NRG1: variants seen among roughly 807,000 people sequenced by gnomAD.
The protein encoded by NRG1 is neuregulin 1, also known as pro-neuregulin-1, membrane-bound isoform.
A neutral mutation model predicts 63.8 loss-of-function variants in NRG1; 18 were observed. That is an observed-to-expected ratio of 0.28 (90% CI 0.19 to 0.42). The LOEUF (loss-of-function observed/expected upper bound fraction) is 0.42, where lower values mean the gene tolerates loss of function less well. NRG1 is among the 10% of genes least tolerant of loss of function. NRG1 has a pLI of 1.00. For synonymous variants in NRG1, 302 were observed against 301.3 expected, an observed-to-expected ratio of 1.00 and a Z score of -0.02; for missense variants, 762 against 814.7, an observed-to-expected ratio of 0.94 and a Z score of 0.79.
chr8:32,015,075 A>C (rs1002582668), intron 1 of NRG1, among the ~76,000 whole-genome samples: 2 of 152,262 alleles, frequency 1.3e-5, no homozygotes, highest in Middle Eastern at 3.4e-3. Context: ...CTGCAGGATG[A>C]TAAATTTCTG....
intron 1 of NRG1, among the ~76,000 whole-genome samples, chr8:32,359,096 TATA>T (rs941679406): frequency 1.3e-5 from 2 of 152,150 alleles, no homozygotes; most frequent in African/African-American, 4.8e-5. Flanking sequence ...GGACAATTAC[TATA>T]ATATTTACAA....
chr8:31,844,619 T>C (rs773103645), intron 1 of NRG1, among the ~76,000 whole-genome samples: 1 of 152,184 alleles, frequency 6.6e-6, no homozygotes, highest in Admixed American at 6.5e-5. Context: ...GTCAGCATTT[T>C]TCTGCTGCCC....
intron 1 of NRG1, among the ~76,000 whole-genome samples, chr8:31,710,064 G>C (rs1811587035): frequency 6.6e-6 from 1 of 150,702 alleles, no homozygotes; most frequent in Non-Finnish European, 1.5e-5. Flanking sequence ...GTTTTCCTTT[G>C]AGCAGTGCTT....
rs1230421905 is a variant in NRG1 at position 31,640,405 on chromosome 8, C to T, written c.37+974C>T. On this transcript the variant is annotated intron_variant, in intron 1 of 10. Transcript: ENST00000519301. The surrounding 1 kb of genome is among the most constrained non-coding windows in gnomAD (Gnocchi z 6.3). ...GCTGCTCGCCGCCAACGGGACCGTG[C>T]CCTCTTGGCCCACCGCCCCGGTGCC... 4.1e-6 allele frequency: 6 copies of T among 1,459,196 alleles called. No homozygotes were observed. Among genetic ancestry groups the T allele is most frequent in the Non-Finnish European group, 5.4e-6 (6 of 1,103,830 alleles). 90.4% of individuals were successfully genotyped at this position (1,459,196 alleles called of 1,614,324 possible). A position where few individuals can be genotyped will look rare whatever the true frequency, so the allele number is the denominator to read the frequency against.
chr8:32,673,428 G>A (rs1806223874), intron 5 of NRG1, among the ~76,000 whole-genome samples: 1 of 152,166 alleles, frequency 6.6e-6, no homozygotes, highest in African/African-American at 2.4e-5. Flanking sequence ...AATCATATTT[G>A]TGTAATAAAT....
At chr8:32,494,124 T>G (rs1826920002) in intron 1 of NRG1, among the ~76,000 whole-genome samples, 2 of 152,212 alleles carry the variant, frequency 1.3e-5, no homozygotes. Context: ...TAAACTGTAC[T>G]GCAAGGAATT....
At chr8:32,329,673 A>C (rs1351061254) in intron 1 of NRG1, among the ~76,000 whole-genome samples, 2 of 152,150 alleles carry the variant, frequency 1.3e-5, no homozygotes, top group Admixed American at 6.6e-5. Context: ...TGCTCGTATT[A>C]GCTGCTTCTT....
chr8:32,376,392 CTGTCAATCAA>C (rs1809625006), intron 1 of NRG1, among the ~76,000 whole-genome samples: 1 of 152,106 alleles, frequency 6.6e-6, no homozygotes, highest in African/African-American at 2.4e-5. Context: ...CTGCCTAGGG[CTGTCAATCAA>C]TGTGCCCCAT....
intron 1 of NRG1, among the ~76,000 whole-genome samples, chr8:32,079,969 T>C (rs953208002): frequency 6.6e-6 from 1 of 152,152 alleles, no homozygotes; most frequent in African/African-American, 2.4e-5. Context: ...CAAGTATTTG[T>C]TTTAATAAAG....
intron 1 of NRG1, among the ~76,000 whole-genome samples, chr8:32,115,092 AT>A (rs1462588264): frequency 2.0e-5 from 3 of 151,574 alleles, no homozygotes; most frequent in Non-Finnish European, 4.4e-5. Context: ...GTGCAGTGGC[AT>A]GATCTTCGCT....
intron 5 of NRG1, among the ~76,000 whole-genome samples, chr8:32,676,882 G>A (rs1378256385): frequency 6.6e-6 from 1 of 152,118 alleles, no homozygotes; most frequent in African/African-American, 2.4e-5. Flanking sequence ...GGGTATAAGT[G>A]TGAGATTTAT....
intron 1 of NRG1, among the ~76,000 whole-genome samples, chr8:32,306,765 C>G (rs893457252): frequency 6.6e-6 from 1 of 152,052 alleles, no homozygotes; most frequent in Non-Finnish European, 1.5e-5. Context: ...GTTCATTTTC[C>G]GATGAAGTTT....
At chr8:31,985,452 T>C (rs1809902012) in intron 1 of NRG1, among the ~76,000 whole-genome samples, 1 of 152,118 alleles carries the variant, frequency 6.6e-6, no homozygotes, top group South Asian at 2.1e-4. Context: ...GCACATTTCA[T>C]GGTCACTAAA....
chr8:32,367,880 T>C (rs1808286829), intron 1 of NRG1, among the ~76,000 whole-genome samples: 1 of 152,228 alleles, frequency 6.6e-6, no homozygotes, highest in South Asian at 2.1e-4. Context: ...GCTTCATTCT[T>C]CTACATATGG....
At chr8:32,219,397 C>T (rs1429862315) in intron 1 of NRG1, among the ~76,000 whole-genome samples, 1 of 152,146 alleles carries the variant, frequency 6.6e-6, no homozygotes, top group East Asian at 1.9e-4. Flanking sequence ...TTAACAAAGC[C>T]GTTTCAAAAT....
chr8:32,423,644 T>G (rs2129486278), intron 1 of NRG1, among the ~76,000 whole-genome samples: 1 of 152,180 alleles, frequency 6.6e-6, no homozygotes, highest in East Asian at 1.9e-4. Context: ...AGACCTTGTC[T>G]CAAAAAATGA....
At chr8:32,101,346 T>C (rs983369485) in intron 1 of NRG1, among the ~76,000 whole-genome samples, 2 of 152,136 alleles carry the variant, frequency 1.3e-5, no homozygotes, top group African/African-American at 4.8e-5. Flanking sequence ...CCTTATGCCT[T>C]GCATGCACAC....
rs578121816 is a variant in NRG1, at chr8:32,495,806, C to T, written c.38-100022C>T. 2.0e-5 allele frequency among the ~76,000 whole-genome samples: 3 copies of T among 152,200 alleles called. No individual in the cohort carries two copies. The East Asian group carries it at 5.8e-4, about 29-fold the overall frequency. ...TATTGTTTGTTTGTTTGGAGTATGT[C>T]TTTATTAGCAGTGTGAGAACAAACT... On this transcript the variant is annotated intron_variant, in intron 1 of 10. Coordinates refer to the NRG1 transcript ENST00000519301.
At chr8:32,731,438 G>A (rs1823640075) in intron 6 of NRG1, among the ~76,000 whole-genome samples, 3 of 151,014 alleles carry the variant, frequency 2.0e-5, no homozygotes, top group South Asian at 4.2e-4. Context: ...GATCTTTTAG[G>A]TAAGTTATTT....
Sources: gnomAD v4.1 joint callset for allele counts (sites outside exome capture counted in the v4.1 genomes callset) on GRCh38, gnomAD v4.1.1 for gene constraint, Gnocchi (gnomAD v3.1) non-coding constraint, MANE v1.5 for transcripts, NCBI Gene and HGNC (gene_info 2026-07-23, HGNC 2026-07-21) for gene names.